FAM110B: variants seen among roughly 807,000 people sequenced by gnomAD.
FAM110B encodes protein FAM110B.
Under a neutral mutation model 20.4 loss-of-function variants are expected in FAM110B, and 6 were observed. The observed-to-expected ratio is 0.29, with a 90% CI of 0.16 to 0.58. The LOEUF (loss-of-function observed/expected upper bound fraction) is 0.58, where lower values mean the gene tolerates loss of function less well. Among genes scored for constraint, FAM110B ranks in the 20% least tolerant of loss-of-function variants. The pLI is 0.90. For missense variants in FAM110B, 434 were observed against 498.2 expected (o/e 0.87, Z 1.23); for synonymous variants, 226 against 214.1 (o/e 1.06, Z -0.49).
intron 2 of FAM110B, among the ~76,000 whole-genome samples, chr8:58,059,237 C>T (rs560392003): frequency 1.8e-4 from 27 of 152,102 alleles, no homozygotes; most frequent in Non-Finnish European, 2.8e-4. Context: ...AATAAAGTTG[C>T]TGTAAATATT....
At chr8:58,042,354 G>A (rs59980825) in intron 2 of FAM110B, among the ~76,000 whole-genome samples, 2,654 of 152,322 alleles carry the variant, frequency 0.017, 87 homozygotes, top group African/African-American at 0.058. Flanking sequence ...AGAATTGTGA[G>A]TGCAATGTCA....
intron 3 of FAM110B, chr8:58,100,976 A>T (rs568781124): frequency 6.6e-6 from 1 of 152,298 alleles, no homozygotes; most frequent in Admixed American, 6.5e-5. Context: ...GATCGAGACC[A>T]TCCTGGCTAA....
chr8:58,006,923 A>ATATATATATATATATATT, intron 1 of FAM110B, among the ~76,000 whole-genome samples: 55 of 126,522 alleles, frequency 4.3e-4, no homozygotes, highest in African/African-American at 6.7e-4. Flanking sequence ...ATATATATAT[A>ATATATATATATATATATT]TTTTTCCAAA....
intron 2 of FAM110B, among the ~76,000 whole-genome samples, chr8:58,053,526 G>T (rs996788832): frequency 2.6e-5 from 4 of 152,142 alleles, no homozygotes; most frequent in Non-Finnish European, 5.9e-5. Context: ...CATGTAGTTG[G>T]CTATTGGATA....
intron 1 of FAM110B, among the ~76,000 whole-genome samples, chr8:58,001,730 C>T (rs950736862): frequency 5.9e-5 from 9 of 152,102 alleles, no homozygotes; most frequent in South Asian, 2.1e-4. Flanking sequence ...TACCTTTATA[C>T]GTTTTGTGCC....
At chr8:58,034,018 C>T (rs1189274035) in intron 2 of FAM110B, among the ~76,000 whole-genome samples, 1 of 152,136 alleles carries the variant, frequency 6.6e-6, no homozygotes, top group Non-Finnish European at 1.5e-5. Flanking sequence ...TATCCCAAAA[C>T]AATTTTGCCG....
intron 2 of FAM110B, among the ~76,000 whole-genome samples, chr8:58,047,189 A>C (rs1416797631): frequency 2.6e-5 from 4 of 152,236 alleles, no homozygotes; most frequent in Non-Finnish European, 5.9e-5. Flanking sequence ...AAGACTCTTT[A>C]ATAAGAATGA....
chr8:58,042,611 C>T (rs868089441), intron 2 of FAM110B, among the ~76,000 whole-genome samples: 2 of 152,078 alleles, frequency 1.3e-5, no homozygotes, highest in Admixed American at 1.3e-4. Context: ...ATGTGTGCAC[C>T]ATCATGTGCC....
rs564509296 is a variant in FAM110B at position 58,147,943 on chromosome 8, T to C, written c.*600T>C. ...TAACAATGCTACGTTTTGTGTCCGA[T>C]TCAGTGTGTAAACGTTGGTGGTTCT... is the stretch of plus-strand genomic sequence containing the variant. On this transcript the variant is annotated 3_prime_UTR_variant, in exon 4 of 4. Transcript: ENST00000519262. 5.9e-6 allele frequency: 1 copy of C among 169,062 alleles called. No homozygotes were observed. The highest frequency in any genetic ancestry group is 1.9e-4 in the East Asian group (1 of 5,192). 10.5% of individuals were successfully genotyped at this position (169,062 alleles called of 1,614,324 possible). A position where few individuals can be genotyped will look rare whatever the true frequency, so the allele number is the denominator to read the frequency against.
intron 3 of FAM110B, among the ~76,000 whole-genome samples, chr8:58,141,013 T>A (rs1174617594): frequency 1.3e-5 from 2 of 152,238 alleles, no homozygotes; most frequent in African/African-American, 4.8e-5. Flanking sequence ...ATTCAGTCAG[T>A]ACTCTTGTAT....
chr8:58,146,362 C>G lies in FAM110B; in HGVS notation c.132C>G (p.Asn44Lys). Residue 44 changes from asparagine (N) to lysine (K), a missense_variant, in exon 4 of 4, where the codon AAC becomes AAG. Physicochemically the swap from Asn to Lys is moderately conservative, Grantham distance 94 (BLOSUM62 0). Transcript: ENST00000519262. ...PDYFRRQAEP[N>K]PKRLSAVERL... Reference sequence around the variant, plus strand: ...ACTTCCGCAGGCAGGCCGAGCCCAACCCCAAGAGGCTCAGCGCCGTGGAGA... The same window carrying G: ...ACTTCCGCAGGCAGGCCGAGCCCAAGCCCAAGAGGCTCAGCGCCGTGGAGA... 6.2e-7 allele frequency: 1 copy of G among 1,614,076 alleles called. No homozygotes were observed. The highest frequency in any genetic ancestry group is 2.2e-5 in the East Asian group (1 of 44,858).
At chr8:58,103,882 C>G (rs1378269747) in intron 3 of FAM110B, among the ~76,000 whole-genome samples, 1 of 152,188 alleles carries the variant, frequency 6.6e-6, no homozygotes, top group African/African-American at 2.4e-5. Context: ...ACACTCTAAT[C>G]TAATTGTCTG....
At chr8:58,053,055 G>C (rs1014443456) in intron 2 of FAM110B, among the ~76,000 whole-genome samples, 1 of 151,532 alleles carries the variant, frequency 6.6e-6, no homozygotes, top group Non-Finnish European at 1.5e-5. Flanking sequence ...AAAGTGCTGG[G>C]ATTACAGGCG....
intron 3 of FAM110B, among the ~76,000 whole-genome samples, chr8:58,112,235 A>G (rs1807075059): frequency 6.6e-6 from 1 of 152,206 alleles, no homozygotes; most frequent in Non-Finnish European, 1.5e-5. Flanking sequence ...AAGCTGAGGC[A>G]GGAGAATCGC....
intron 3 of FAM110B, chr8:58,100,812 A>C (rs995894549): frequency 6.6e-6 from 1 of 152,208 alleles, no homozygotes; most frequent in Non-Finnish European, 1.5e-5. Flanking sequence ...GAGGTATTGG[A>C]GGTTAGAACT....
At chr8:58,076,336 C>T (rs1053221911) in intron 3 of FAM110B, among the ~76,000 whole-genome samples, 4 of 152,082 alleles carry the variant, frequency 2.6e-5, no homozygotes, top group African/African-American at 4.8e-5. Context: ...GTGGGTGACC[C>T]GCAGAGATCT....
intron 3 of FAM110B, among the ~76,000 whole-genome samples, chr8:58,116,146 A>G (rs1246029690): frequency 6.6e-6 from 1 of 152,236 alleles, no homozygotes; most frequent in East Asian, 1.9e-4. Flanking sequence ...CTTTTAAAAT[A>G]TATTCAGAAA....
chr8:58,138,922 G>C (rs898222455), intron 3 of FAM110B, among the ~76,000 whole-genome samples: 1 of 152,122 alleles, frequency 6.6e-6, no homozygotes, highest in Non-Finnish European at 1.5e-5. Context: ...GGCCTTCCCT[G>C]CATCTCTACA....
chr8:58,097,028 G>A (rs534297120), intron 3 of FAM110B, among the ~76,000 whole-genome samples: 13 of 152,210 alleles, frequency 8.5e-5, no homozygotes, highest in Admixed American at 2.6e-4. Context: ...TCTTGAGGTC[G>A]CTCTTCTCGA....
Sources: allele counts gnomAD v4.1 joint callset (sites outside exome capture counted in the v4.1 genomes callset), GRCh38; gene constraint gnomAD v4.1.1; transcripts MANE v1.5; gene names NCBI Gene and HGNC (gene_info 2026-07-23, HGNC 2026-07-21).